Variants in PDGFD observed in about 807,000 individuals in gnomAD.
The protein encoded by PDGFD is platelet-derived growth factor D.
In PDGFD, 30 loss-of-function variants were observed where a neutral mutation model predicts 44.7. The observed-to-expected ratio is 0.67, with a 90% CI of 0.50 to 0.91. PDGFD has a LOEUF of 0.91. Ranked by LOEUF, PDGFD falls within the 40% of genes least tolerant of loss-of-function variation. The pLI, the probability that PDGFD is intolerant of heterozygous loss-of-function variation, is 0.00. For missense variants in PDGFD, 445 were observed against 457.8 expected, an observed-to-expected ratio of 0.97 and a Z score of 0.25; for synonymous variants, 173 against 168.4, an observed-to-expected ratio of 1.03 and a Z score of -0.21.
At chr11:104,107,983 A>G (rs908708877) in intron 1 of PDGFD, among the ~76,000 whole-genome samples, 2 of 152,260 alleles carry the variant, frequency 1.3e-5, no homozygotes, top group Middle Eastern at 3.4e-3. Flanking sequence ...CCTAGGCTGA[A>G]AAATAAATAA....
At chr11:104,019,244 G>A (rs1339086601) in intron 1 of PDGFD, among the ~76,000 whole-genome samples, 1 of 152,154 alleles carries the variant, frequency 6.6e-6, no homozygotes, top group African/African-American at 2.4e-5. Flanking sequence ...CTAGCACAGA[G>A]TTGGCATAGA....
chr11:103,928,694 T>C (rs1410504655), intron 5 of PDGFD, among the ~76,000 whole-genome samples: 1 of 152,236 alleles, frequency 6.6e-6, no homozygotes, highest in Non-Finnish European at 1.5e-5. Context: ...GCATAATTTA[T>C]TGCTGTTTTT....
At chr11:104,141,858 G>A (rs1414750471) in intron 1 of PDGFD, among the ~76,000 whole-genome samples, 4 of 152,042 alleles carry the variant, frequency 2.6e-5, no homozygotes, top group East Asian at 3.9e-4. Flanking sequence ...CCCCTATTTC[G>A]ACATTTTTAT....
chr11:103,909,559 G>A lies in PDGFD; in HGVS notation c.*135C>T. 1 of 1,140,318 alleles carries A rather than the reference G, an allele frequency of 8.8e-7. No individual in the cohort carries two copies. Among genetic ancestry groups the A allele is most frequent in the African/African-American group, 1.5e-5 (1 of 65,152 alleles). 70.6% of individuals were successfully genotyped at this position (1,140,318 alleles called of 1,614,324 possible). A position where few individuals can be genotyped will look rare whatever the true frequency, so the allele number is the denominator to read the frequency against. Reference sequence around the variant, plus strand: ...CATGGCATTAACAAAGCAAGGCTGAGACTCAGCAACCACTTGTGTTCATTG... The same window carrying A: ...CATGGCATTAACAAAGCAAGGCTGAAACTCAGCAACCACTTGTGTTCATTG... On this transcript the variant is annotated 3_prime_UTR_variant, in exon 7 of 7. Coordinates refer to ENST00000393158, the MANE Select transcript of PDGFD (RefSeq NM_025208.5).
intron 1 of PDGFD, chr11:104,037,771 T>C (rs1406771758): frequency 1.2e-6 from 2 of 1,614,058 alleles, no homozygotes; most frequent in Admixed American, 1.7e-5. Context: ...CTTACAGTGC[T>C]CTTTCTCCAT....
chr11:103,953,403 A>G (rs1351449451), intron 3 of PDGFD, among the ~76,000 whole-genome samples: 3 of 152,196 alleles, frequency 2.0e-5, no homozygotes, highest in Admixed American at 1.3e-4. Flanking sequence ...ATGTACAGAT[A>G]TATGAATGAA....
At chr11:103,946,144 A>T (rs778310941) in intron 4 of PDGFD, 1 of 152,110 alleles carries the variant, frequency 6.6e-6, no homozygotes, top group Non-Finnish European at 1.5e-5. Context: ...AAATGATAAC[A>T]ATTTGTAAAA....
chr11:103,935,993 T>C (rs1484447599), intron 5 of PDGFD, among the ~76,000 whole-genome samples: 1 of 152,204 alleles, frequency 6.6e-6, no homozygotes, highest in Non-Finnish European at 1.5e-5. Flanking sequence ...TTTCTTTTGC[T>C]CTATTTCTAT....
chr11:103,965,871 A>G (rs553296468), intron 3 of PDGFD, among the ~76,000 whole-genome samples: 62 of 152,258 alleles, frequency 4.1e-4, no homozygotes, highest in Non-Finnish European at 7.8e-4. Flanking sequence ...TGGGAAAGAA[A>G]AGCCTCTTCC....
intron 1 of PDGFD, among the ~76,000 whole-genome samples, chr11:104,100,943 G>C (rs1861368272): frequency 6.6e-6 from 1 of 152,012 alleles, no homozygotes; most frequent in Non-Finnish European, 1.5e-5. Flanking sequence ...GTATCGATGG[G>C]ATGTATCTCA....
At chr11:103,988,167 T>G (rs1859398460) in intron 3 of PDGFD, among the ~76,000 whole-genome samples, 2 of 152,080 alleles carry the variant, frequency 1.3e-5, no homozygotes, top group Admixed American at 1.3e-4. Context: ...TCCTACTTCG[T>G]TTTCCTCATT....
intron 3 of PDGFD, among the ~76,000 whole-genome samples, chr11:103,959,568 A>G (rs1439343800): frequency 6.6e-6 from 1 of 152,170 alleles, no homozygotes; most frequent in Non-Finnish European, 1.5e-5. Flanking sequence ...GGCAGCTGGC[A>G]CATTTTGGAT....
intron 3 of PDGFD, among the ~76,000 whole-genome samples, chr11:103,957,676 C>T (rs898790890): frequency 5.3e-5 from 8 of 152,032 alleles, no homozygotes; most frequent in South Asian, 2.1e-4. Flanking sequence ...AATTTGTTCT[C>T]GATATAGTAA....
chr11:104,105,670 T>C (rs1422683441), intron 1 of PDGFD, among the ~76,000 whole-genome samples: 1 of 152,056 alleles, frequency 6.6e-6, no homozygotes, highest in Non-Finnish European at 1.5e-5. Context: ...ATGGCTCATA[T>C]AATTCAGCTG....
chr11:103,925,358 C>G (rs938954030), intron 6 of PDGFD, among the ~76,000 whole-genome samples: 1 of 152,094 alleles, frequency 6.6e-6, no homozygotes, highest in Non-Finnish European at 1.5e-5. Context: ...GAGAGCAACT[C>G]AAACAGTAAT....
At chr11:103,937,622 A>G (rs1012066873) in intron 5 of PDGFD, among the ~76,000 whole-genome samples, 1 of 151,898 alleles carries the variant, frequency 6.6e-6, no homozygotes, top group African/African-American at 2.4e-5. Flanking sequence ...TTACATATGT[A>G]TACATGTGCC....
At chr11:104,014,225 T>C (rs1293852399) in intron 1 of PDGFD, among the ~76,000 whole-genome samples, 3 of 152,200 alleles carry the variant, frequency 2.0e-5, no homozygotes, top group Admixed American at 2.0e-4. Context: ...CCTGTACTGG[T>C]CTGCTTATGC....
intron 6 of PDGFD, among the ~76,000 whole-genome samples, chr11:103,915,025 G>C (rs1858096647): frequency 6.6e-6 from 1 of 152,154 alleles, no homozygotes. Flanking sequence ...CATTCCCTTT[G>C]AGAACTGGCA....
At chr11:104,072,263 T>C (rs1952348729) in intron 1 of PDGFD, among the ~76,000 whole-genome samples, 1 of 151,918 alleles carries the variant, frequency 6.6e-6, no homozygotes, top group African/African-American at 2.4e-5. Flanking sequence ...AAAACTACTC[T>C]ATGTGTTTCA....
Sources: gnomAD v4.1 joint callset for allele counts (sites outside exome capture counted in the v4.1 genomes callset) on GRCh38, gnomAD v4.1.1 for gene constraint, MANE v1.5 for transcripts, NCBI Gene and HGNC (gene_info 2026-07-23, HGNC 2026-07-21) for gene names.